Variants in AHNAK2 observed in about 807,000 individuals in gnomAD.
The protein encoded by AHNAK2 is protein AHNAK2.
AHNAK2 carries 18 observed loss-of-function variants against 30.7 expected under a neutral mutation model. That is an observed-to-expected ratio of 0.59 (90% CI 0.41 to 0.87). The LOEUF (loss-of-function observed/expected upper bound fraction) is 0.87. Among genes scored for constraint, AHNAK2 ranks in the 40% least tolerant of loss-of-function variants. The pLI is 0.00. For missense variants in AHNAK2, 8,604 were observed against 7,373.0 expected (o/e 1.17, Z -6.11); for synonymous variants, 3,590 against 3,073.8 (o/e 1.17, Z -5.56).
chr14:104,955,560 C>G lies in AHNAK2; in HGVS notation c.389G>C (p.Gly130Ala), dbSNP rs769514285. The G allele has an allele frequency of 4.3e-6, 7 of 1,613,616 alleles. No individual in the cohort carries two copies. Among genetic ancestry groups the G allele is most frequent in the Admixed American group, 1.7e-5 (1 of 60,000 alleles). ...GACGAAGATCCCCTGGTCCCCACCA[C>G]CTGTGACACTGTAGCCACTGGCTCC... ...EAGASGYSVT[G>A]GGDQGIFVKQ... The change falls in exon 5 of 7, where the codon GGT becomes GCT. Residue 130 changes from glycine to alanine, a missense_variant. Physicochemically the swap from Gly to Ala is moderately conservative, Grantham distance 60 (BLOSUM62 0). Transcript: ENST00000333244.
Position 104,947,007 on chromosome 14 carries a change from A to G in AHNAK2, c.8444T>C (p.Met2815Thr). ...GMTAKDSKFK[M>T]PKFKMPSFGV... The stretch of plus-strand genomic sequence containing the variant: ...GAATGACGGCATCTTGAACTTGGGC[A>G]TTTTGAACTTGCTGTCTTTGGCTGT... The change falls in exon 7 of 7, where the codon ATG becomes ACG. Residue 2815 changes from methionine to threonine, a missense_variant. Transcript: ENST00000333244. 1 of 1,611,912 alleles carries G rather than the reference A, an allele frequency of 6.2e-7. No homozygotes were observed. Among genetic ancestry groups the G allele is most frequent in the Non-Finnish European group, 8.5e-7 (1 of 1,179,472 alleles).
In AHNAK2 at chr14:104,947,979, G is replaced by A. The variant is rs145541349; in HGVS notation, c.7472C>T (p.Pro2491Leu). The A allele has an allele frequency of 3.2e-3, 5,199 of 1,611,732 alleles. 244 individuals carry two copies. In the African/African-American group the frequency reaches 0.06, roughly 19 times the overall value. Reference protein sequence around the residue: ...SRFKIPKFKMPSFGVSAPGKS... With the variant: ...SRFKIPKFKMLSFGVSAPGKS... ...GCCTGGGGCAGACACCCCGAATGAC[G>A]GCATCTTGAACTTGGGAATTTTGAA... The change falls in exon 7 of 7, where the codon CCG becomes CTG. Residue 2491 changes from proline (P) to leucine (L), a missense_variant. By Grantham distance (98) the Pro-to-Leu change is moderately conservative. Transcript: ENST00000333244.
chr14:104,953,334 T>C lies in AHNAK2; in HGVS notation c.2117A>G (p.Glu706Gly). The C allele has an allele frequency of 6.2e-7, 1 of 1,613,448 alleles. No homozygotes were observed. The highest frequency in any genetic ancestry group is 8.5e-7 in the Non-Finnish European group (1 of 1,179,790). Residue 706 changes from glutamate (E) to glycine (G), a missense_variant, in exon 7 of 7, where the codon GAG becomes GGG. Transcript: ENST00000333244. The part of the protein sequence containing the change: ...ASVDVSAPKV[E>G]ADVSLLSMQG... ...CATGGAGAGGAGGCTCACGTCGGCC[T>C]CCACCTTCGGCGCAGACACATCCAC...
In AHNAK2 at chr14:104,938,059, C is replaced by G. The variant is rs141898708; in HGVS notation, c.*4G>C. On this transcript the variant is annotated 3_prime_UTR_variant, in exon 7 of 7. Transcript: ENST00000333244. ...ATCTCTCTTGTACTGATGAGCCATA[C>G]CTCTCAGCCTTCATTTGGTCCCAGG... The G allele has an allele frequency of 4.0e-5, 64 of 1,610,578 alleles. No individual in the cohort carries two copies. In the Middle Eastern group the frequency reaches 1.2e-3, roughly 29 times the overall value.
chr14:104,943,932 G>A lies in AHNAK2; in HGVS notation c.11519C>T (p.Pro3840Leu), dbSNP rs1310417862. Residue 3840 changes from proline to leucine, a missense_variant, in exon 7 of 7, where the codon CCC (proline) becomes CTC (leucine). Coordinates refer to ENST00000333244, the MANE Select transcript of AHNAK2 (RefSeq NM_138420.4). ...APKVEADVSL[P>L]SMQGDLKTTD... The stretch of plus-strand genomic sequence containing the variant: ...GGTCTTGAGGTCCCCCTGCATGGAG[G>A]GGAGACTCACATCGGCCTCCACCTT... 12 of 1,612,990 alleles carry A rather than the reference G, an allele frequency of 7.4e-6. No homozygotes were observed. Among genetic ancestry groups the A allele is most frequent in the African/African-American group, 1.3e-5 (1 of 74,696 alleles).
chr14:104,974,197 C>T (rs1899543782), intron 1 of AHNAK2, among the ~76,000 whole-genome samples: 1 of 152,258 alleles, frequency 6.6e-6, no homozygotes, highest in Non-Finnish European at 1.5e-5. Flanking sequence ...GATCCCGTCA[C>T]CCTTAGAGCG....
At position 104,954,470 on chromosome 14, in the gene AHNAK2, T is replaced by C; in HGVS notation, c.981A>G (p.Arg327=). 1 of 1,612,882 alleles carries C rather than the reference T, an allele frequency of 6.2e-7. No individual in the cohort carries two copies. Among genetic ancestry groups the C allele is most frequent in the Non-Finnish European group, 8.5e-7 (1 of 1,179,638 alleles). Residue 327 remains arginine (R), a synonymous_variant, in exon 7 of 7, where the codon AGA becomes AGG. Coordinates refer to ENST00000333244, the MANE Select transcript of AHNAK2 (RefSeq NM_138420.4). The surrounding 1 kb of genome is among the most constrained non-coding windows in gnomAD (Gnocchi z 4.3). The part of the protein sequence containing the change: ...SQRRRKFLNL[R]FRTGSGQGPS... ...GGCCCTGTCCCGAGCCTGTCCTGAA[T>C]CTGAGGTTGAGGAACTTCCGCCTCC...
chr14:104,962,307 G>A (rs538861818), intron 1 of AHNAK2, among the ~76,000 whole-genome samples: 2 of 152,284 alleles, frequency 1.3e-5, no homozygotes, highest in East Asian at 1.9e-4. Flanking sequence ...AGTCATCCGA[G>A]TTCTCTTCTC....
intron 1 of AHNAK2, among the ~76,000 whole-genome samples, chr14:104,976,109 G>T (rs1026516583): frequency 6.6e-6 from 1 of 152,174 alleles, no homozygotes; most frequent in Non-Finnish European, 1.5e-5. Context: ...GGTGGGGGCC[G>T]GGGCCGGGGA....
In AHNAK2 at chr14:104,941,125, C is replaced by T; in HGVS notation, c.14326G>A (p.Gly4776Ser). The T allele has an allele frequency of 2.5e-6, 4 of 1,613,544 alleles. No homozygotes were observed. The South Asian group carries it at 3.3e-5, about 13-fold the overall frequency. The change falls in exon 7 of 7, where the codon GGT becomes AGT. Residue 4776 changes from glycine to serine, a missense_variant. Coordinates refer to ENST00000333244, the MANE Select transcript of AHNAK2 (RefSeq NM_138420.4). ...AGAATAGAAGATTCAAAGTGAGGACCAGTGAGATCAAGCCGGGATGATGGA... is the reference window on the plus strand; with the variant it reads ...AGAATAGAAGATTCAAAGTGAGGACTAGTGAGATCAAGCCGGGATGATGGA... ...GFPSSRLDLT[G>S]PHFESSILSP...
chr14:104,974,256 T>C (rs1341120332), intron 1 of AHNAK2, among the ~76,000 whole-genome samples: 1 of 152,196 alleles, frequency 6.6e-6, no homozygotes, highest in Non-Finnish European at 1.5e-5. Flanking sequence ...TGTGTCCAGT[T>C]AAGCCTCCGC....
chr14:104,978,306 G>T lies in AHNAK2; in HGVS notation c.-69C>A. 2.1e-6 allele frequency: 2 copies of T among 969,540 alleles called. No individual in the cohort carries two copies. Among genetic ancestry groups the T allele is most frequent in the Non-Finnish European group, 2.5e-6 (2 of 787,290 alleles). 60.1% of individuals were successfully genotyped at this position (969,540 alleles called of 1,614,324 possible). On this transcript the variant is annotated 5_prime_UTR_variant, in exon 1 of 7. Transcript: ENST00000333244. ...GTCGCTGGTCCCGGCTCCGGCGCAC[G>T]GGGCGGGCGGGCGGGAGCCGCGCTC... is the stretch of plus-strand genomic sequence containing the variant.
rs771413525 is a variant in AHNAK2 at position 104,940,880 on chromosome 14, A to G, written c.14571T>C (p.Leu4857=). 51 of 1,612,750 alleles carry G rather than the reference A, an allele frequency of 3.2e-5. No homozygotes were observed. Among genetic ancestry groups the G allele is most frequent in the Non-Finnish European group, 4.3e-5 (51 of 1,179,708 alleles). Residue 4857 remains leucine (L), a synonymous_variant, in exon 7 of 7, where the codon CTT becomes CTC. Coordinates refer to ENST00000333244, the MANE Select transcript of AHNAK2 (RefSeq NM_138420.4). The surrounding 1 kb of genome is among the most constrained non-coding windows in gnomAD (Gnocchi z 4.4). ...GPLNSMIPVS[L]GQVSFPKFYK... ...AGAATTTAGGAAAAGATACCTGACC[A>G]AGAGAAACAGGAATCATGGAATTCA... is the stretch of plus-strand genomic sequence containing the variant.
At position 104,955,167 on chromosome 14, in the gene AHNAK2, G is replaced by A. The variant is rs372199340; in HGVS notation, c.467-26C>T. 17 of 1,584,470 alleles carry A rather than the reference G, an allele frequency of 1.1e-5. No individual in the cohort carries two copies. The African/African-American group carries it at 2.1e-4, about 20-fold the overall frequency. On this transcript the variant is annotated intron_variant, in intron 5 of 6. Transcript: ENST00000333244. ...CTAGACCAAGAAAGAGCAGCCCCAG[G>A]GCCGGGTGTGTGAATGAGACGGGGT...
In AHNAK2 at chr14:104,949,379, G is replaced by T. The variant is rs1482471270; in HGVS notation, c.6072C>A (p.Leu2024=). 1 of 1,579,396 alleles carries T rather than the reference G, an allele frequency of 6.3e-7. No homozygotes were observed. Among genetic ancestry groups the T allele is most frequent in the Non-Finnish European group, 8.6e-7 (1 of 1,157,542 alleles). ...PAPKVEADVS[L]PSMQGDLKTT... is the part of the protein sequence containing the mutation. ...TCTTCAGGTCCCCCTGCATGGAGGG[G>T]AGACTCACGTCGGCCTCCACCTTGG... The change falls in exon 7 of 7, where the codon CTC becomes CTA. Residue 2024 remains leucine, a synonymous_variant. Transcript: ENST00000333244.
Position 104,950,161 on chromosome 14 carries a change from T to A in AHNAK2, c.5290A>T (p.Lys1764Ter). ...VALKGPQMDV[K>*]GPKLDLKGPK... ...CCTTTCAGGTCCAGCTTGGGGCCCT[T>A]GACGTCCATCTGGGGGCCCTTGAGG... is the stretch of plus-strand genomic sequence containing the variant. Residue 1764 changes from lysine (K) to a stop codon, truncating the protein, a stop_gained, in exon 7 of 7, where the codon AAG becomes TAG. Transcript: ENST00000333244. LOFTEE classifies it low-confidence loss of function (END_TRUNC). The A allele has an allele frequency of 6.3e-7, 1 of 1,585,916 alleles. No individual in the cohort carries two copies. The highest frequency in any genetic ancestry group is 8.6e-7 in the Non-Finnish European group (1 of 1,162,824).
chr14:104,947,087 T>C lies in AHNAK2; in HGVS notation c.8364A>G (p.Ala2788=). 3.1e-6 allele frequency: 5 copies of C among 1,612,292 alleles called. No homozygotes were observed. Among genetic ancestry groups the C allele is most frequent in the Non-Finnish European group, 4.2e-6 (5 of 1,179,514 alleles). ...CCTCCAGCCGCGCACCATCCAGCTT[T>C]GCTCTCGGGGCCTGGACGTCCACCT... is the stretch of plus-strand genomic sequence containing the variant. ...SMEVDVQAPR[A]KLDGARLEGD... is the part of the protein sequence containing the mutation. The change falls in exon 7 of 7, where the codon GCA becomes GCG. Residue 2788 remains alanine (A), a synonymous_variant. Coordinates refer to ENST00000333244, the MANE Select transcript of AHNAK2 (RefSeq NM_138420.4).
rs1470171049 is a variant in AHNAK2 at position 104,944,853 on chromosome 14, T to C, written c.10598A>G (p.Gln3533Arg). The C allele has an allele frequency of 6.2e-7, 1 of 1,612,820 alleles. No individual in the cohort carries two copies. The highest frequency in any genetic ancestry group is 2.2e-5 in the East Asian group (1 of 44,748). ...IQPPSADLEVQAVQVDVELLE... is the reference protein window; with the variant it reads ...IQPPSADLEVRAVQVDVELLE... ...GAGTTCCACATCCACTTGGACAGCC[T>C]GGACCTCCAGGTCAGCGGAAGGGGG... is the stretch of plus-strand genomic sequence containing the variant. The change falls in exon 7 of 7, where the codon CAG becomes CGG. Residue 3533 changes from glutamine (Q) to arginine (R), a missense_variant. Transcript: ENST00000333244.
rs184679289 is a variant in AHNAK2 at position 104,960,459 on chromosome 14, G to A, written c.56-2787C>T. Among the ~76,000 whole-genome samples, 5 of 152,334 alleles carry A rather than the reference G, an allele frequency of 3.3e-5. No individual in the cohort carries two copies. The East Asian group carries it at 7.7e-4, about 23-fold the overall frequency. On this transcript the variant is annotated intron_variant, in intron 1 of 6. Coordinates refer to ENST00000333244, the MANE Select transcript of AHNAK2 (RefSeq NM_138420.4). ...ATTTAAAGTATAGGGGAGGGAAGAT[G>A]TATGTAGGTTATTTGCAAATACTAC...
Sources: allele counts gnomAD v4.1 joint callset (sites outside exome capture counted in the v4.1 genomes callset), GRCh38; gene constraint gnomAD v4.1.1; non-coding constraint Gnocchi (gnomAD v3.1); transcripts MANE v1.5; gene names NCBI Gene and HGNC (gene_info 2026-07-23, HGNC 2026-07-21).